C11orf65: variants seen among roughly 807,000 people sequenced by gnomAD.
C11orf65 encodes the protein protein MFI.
C11orf65 carries 38 observed loss-of-function variants against 35.3 expected under a neutral mutation model. The observed-to-expected ratio is 1.08, with a 90% CI of 0.83 to 1.41. The LOEUF is 1.41. Among genes scored for constraint, C11orf65 ranks in the 40% most tolerant of loss-of-function variants. The pLI, the probability that C11orf65 is intolerant of heterozygous loss-of-function variation, is 0.00. For missense variants in C11orf65, 370 were observed against 367.1 expected (o/e 1.01, Z -0.06); for synonymous variants, 105 against 114.4 (o/e 0.92, Z 0.53).
intron 3 of C11orf65, among the ~76,000 whole-genome samples, chr11:108,408,692 A>ATAAAATAAAATAAAATAAAAAAT (rs2092596077): frequency 1.0e-5 from 1 of 99,638 alleles, no homozygotes; most frequent in Non-Finnish European, 1.9e-5. Flanking sequence ...ATAAAATAAA[A>ATAAAATAAAATAAAATAAAAAAT]TAAAATAAAA....
chr11:108,340,905 A>T lies in C11orf65; in HGVS notation c.227-5613T>A, dbSNP rs139945716. Among the ~76,000 whole-genome samples, 899 of 152,226 alleles carry T rather than the reference A, an allele frequency of 5.9e-3. 7 individuals are homozygous for T. The highest frequency in any genetic ancestry group is 8.8e-3 in the Non-Finnish European group (601 of 68,010). On this transcript the variant is annotated intron_variant, in intron 2 of 3. Coordinates refer to the C11orf65 transcript ENST00000524755. ...TAGTTGTACTGTATTGGTTTTTAAA[A>T]TTTTTATTTTTTATTGTATTGTTTT... is the stretch of plus-strand genomic sequence containing the variant.
downstream of C11orf65, among the ~76,000 whole-genome samples, chr11:108,382,174 A>C (rs964556185): frequency 2.0e-5 from 3 of 151,504 alleles, no homozygotes; most frequent in African/African-American, 7.3e-5. Flanking sequence ...CAACTAAACC[A>C]CTCCCAGTTT....
intron 6 of C11orf65, chr11:108,326,278 C>G: frequency 6.3e-7 from 1 of 1,592,750 alleles, no homozygotes; most frequent in South Asian, 1.1e-5. Context: ...TAAAAAAACA[C>G]AAATGTACTT....
chr11:108,369,053 T>TA (rs1322185912), intron 2 of C11orf65: 1 of 175,392 alleles, frequency 5.7e-6, no homozygotes, highest in African/African-American at 2.4e-5. Flanking sequence ...ACTTTACTGT[T>TA]ACCTGAATTT....
chr11:108,450,543 A>G (rs150121952), intron 2 of C11orf65, among the ~76,000 whole-genome samples: 193 of 145,652 alleles, frequency 1.3e-3, no homozygotes, highest in Middle Eastern at 3.5e-3. Flanking sequence ...CAAACACCAC[A>G]TGTTGTCACT....
intron 2 of C11orf65, among the ~76,000 whole-genome samples, chr11:108,445,356 A>C (rs1307564895): frequency 6.6e-6 from 1 of 152,180 alleles, no homozygotes; most frequent in Non-Finnish European, 1.5e-5. Context: ...GGCACCCCCC[A>C]GTAAGGGCAG....
chr11:108,319,884 A>C (rs571319637), intron 6 of C11orf65: 1 of 1,084,816 alleles, frequency 9.2e-7, no homozygotes, highest in East Asian at 2.4e-5. Context: ...TCCTTTGGTG[A>C]AGCTATTTAT....
At chr11:108,407,020 T>C (rs746580406) in intron 4 of C11orf65, 57 bp from the exon 5 acceptor site, 62 of 1,572,316 alleles carry the variant, frequency 3.9e-5, no homozygotes, top group Non-Finnish European at 5.3e-5. Context: ...ATGTTTTACA[T>C]TTTGAAAAAT....
At chr11:108,421,055 C>T (rs2092808583) in intron 3 of C11orf65, among the ~76,000 whole-genome samples, 1 of 152,170 alleles carries the variant, frequency 6.6e-6, no homozygotes, top group South Asian at 2.1e-4. Context: ...AAGGAAACCC[C>T]ATATCTATCA....
Position 108,326,177 on chromosome 11 carries a change from G to C in C11orf65, c.641-17106C>G, listed in dbSNP as rs876660429. On this transcript the variant is annotated intron_variant, in intron 6 of 6. Coordinates refer to the C11orf65 transcript ENST00000525729. ...CAAAAAAGGAGCAGAGTCTTGCCCT[G>C]AGTATTCTCAAGCAAATGATCAAGA... 1 of 1,614,178 alleles carries C rather than the reference G, an allele frequency of 6.2e-7. No individual in the cohort carries two copies. Among genetic ancestry groups the C allele is most frequent in the Non-Finnish European group, 8.5e-7 (1 of 1,180,028 alleles).
chr11:108,461,273 A>G (rs1260471328), intron 2 of C11orf65, among the ~76,000 whole-genome samples: 1 of 151,996 alleles, frequency 6.6e-6, no homozygotes, highest in African/African-American at 2.4e-5. Context: ...ATGGTGGTGC[A>G]CCTGTAATCC....
rs1565533544 is a variant in C11orf65 at position 108,331,888 on chromosome 11, A to G, written c.300-321T>C. On this transcript the variant is annotated intron_variant, in intron 3 of 3. Transcript: ENST00000524755. ...AGTTCTTTTCTTACAGCTAATCTCTAGAATTTCAATGGATCACCCCCATCA... is the reference window on the plus strand; with the variant it reads ...AGTTCTTTTCTTACAGCTAATCTCTGGAATTTCAATGGATCACCCCCATCA... 6.2e-7 allele frequency: 1 copy of G among 1,613,452 alleles called. No homozygotes were observed. Among genetic ancestry groups the G allele is most frequent in the Non-Finnish European group, 8.5e-7 (1 of 1,179,438 alleles).
At chr11:108,458,806 A>G (rs1363377139) in intron 2 of C11orf65, among the ~76,000 whole-genome samples, 1 of 152,188 alleles carries the variant, frequency 6.6e-6, no homozygotes. Flanking sequence ...TTCCCGTCAC[A>G]GCCATCCCAG....
chr11:108,368,047 TAAC>T (rs886047625), intron 2 of C11orf65: 21 of 207,260 alleles, frequency 1.0e-4, no homozygotes, highest in Non-Finnish European at 1.9e-4. Flanking sequence ...GAGCTTTGAA[TAAC>T]ATCATTAATC....
chr11:108,368,115 T>C lies in C11orf65; in HGVS notation c.226+25093A>G, dbSNP rs879796523. 5.3e-4 allele frequency: 110 copies of C among 207,272 alleles called. No homozygotes were observed. Among genetic ancestry groups the C allele is most frequent in the Non-Finnish European group, 9.0e-4 (92 of 101,794 alleles). The allele number at this position is 207,272 out of a possible 1,614,324, so 12.8% of individuals were successfully genotyped here. ...AGGCTCCTGTTCTGTTCAAGTATTC[T>C]AATCAATGGCTTTGAAAAGTTTATC... On this transcript the variant is annotated intron_variant, in intron 2 of 3. Coordinates refer to the C11orf65 transcript ENST00000524755.
intron 6 of C11orf65, among the ~76,000 whole-genome samples, chr11:108,317,046 G>A (rs1356173410): frequency 6.6e-6 from 1 of 150,962 alleles, no homozygotes; most frequent in Non-Finnish European, 1.5e-5. Context: ...GGCACCTCTC[G>A]CTTCAGCCAC....
At chr11:108,422,973 T>C (rs1459521457) in intron 3 of C11orf65, among the ~76,000 whole-genome samples, 1 of 151,672 alleles carries the variant, frequency 6.6e-6, no homozygotes, top group Non-Finnish European at 1.5e-5. Context: ...TGCAAATCAA[T>C]AAATCTTGTA....
chr11:108,345,917 C>CT lies in C11orf65; in HGVS notation c.227-10626dup. The CT allele has an allele frequency of 1.2e-6, 2 of 1,613,420 alleles. No homozygotes were observed. The highest frequency in any genetic ancestry group is 1.7e-6 in the Non-Finnish European group (2 of 1,179,578). On this transcript the variant is annotated intron_variant, in intron 2 of 3. Transcript: ENST00000524755. ...AGCTACTTCTTCTATTGGTAATCTT[C>CT]TTGTACATATAGTAGATTGAGCACT...
In C11orf65 at chr11:108,316,116, A is replaced by G. The variant is rs786202092; in HGVS notation, c.641-7045T>C. 1 of 1,613,540 alleles carries G rather than the reference A, an allele frequency of 6.2e-7. No homozygotes were observed. The highest frequency in any genetic ancestry group is 8.5e-7 in the Non-Finnish European group (1 of 1,179,504). On this transcript the variant is annotated intron_variant, in intron 6 of 6. Transcript: ENST00000525729. Reference sequence around the variant, plus strand: ...CACGCCAGGCAGGAATCATTCAGGTACATTTTTTCCCAGATTTGGTAAAGC... The same window carrying G: ...CACGCCAGGCAGGAATCATTCAGGTGCATTTTTTCCCAGATTTGGTAAAGC...
Sources: allele counts gnomAD v4.1 joint callset (sites outside exome capture counted in the v4.1 genomes callset), GRCh38; gene constraint gnomAD v4.1.1; transcripts MANE v1.5; gene names NCBI Gene and HGNC (gene_info 2026-07-23, HGNC 2026-07-21).